The following GNA13 variants were observed in gnomAD, a reference collection of about 807,000 sequenced individuals.
GNA13 encodes the protein guanine nucleotide-binding protein subunit alpha-13.
Under a neutral mutation model 33.5 loss-of-function variants are expected in GNA13, and 4 were observed. The observed-to-expected ratio is 0.12, with a 90% CI of 0.06 to 0.27. The LOEUF (loss-of-function observed/expected upper bound fraction) is 0.27. Ranked by LOEUF, GNA13 falls within the 10% of genes least tolerant of loss-of-function variation. The probability of loss-of-function intolerance (pLI) is 1.00; values close to 1 mark genes in which losing one functional copy is unlikely to be tolerated. For missense variants in GNA13, 319 were observed against 487.2 expected (o/e 0.65, Z 3.25); for synonymous variants, 176 against 183.8 (o/e 0.96, Z 0.34).
Position 65,013,846 on chromosome 17 carries a change from C to T in GNA13, c.*411G>A, listed in dbSNP as rs771065817. 3.0e-5 allele frequency: 7 copies of T among 231,192 alleles called. No individual in the cohort carries two copies. Among genetic ancestry groups the T allele is most frequent in the African/African-American group, 4.5e-5 (2 of 44,824 alleles). The allele number at this position is 231,192 out of a possible 1,614,324, so 14.3% of individuals were successfully genotyped here. On this transcript the variant is annotated 3_prime_UTR_variant, in exon 4 of 4. Transcript: ENST00000439174. ...ACAAGTGTCACTGCTATATGTAAGG[C>T]GGACAGAAGATATCTTGTTTTGGAA...
At chr17:65,052,555 C>G (rs1174543171) in intron 2 of GNA13, among the ~76,000 whole-genome samples, 1 of 152,230 alleles carries the variant, frequency 6.6e-6, no homozygotes, top group Non-Finnish European at 1.5e-5. Context: ...ATTTCTATCA[C>G]TGCTGGAATC....
At chr17:65,052,203 G>C (rs911843931) in intron 2 of GNA13, 1 of 152,106 alleles carries the variant, frequency 6.6e-6, no homozygotes, top group Non-Finnish European at 1.5e-5. Context: ...GCCCAGGCTG[G>C]AGTGCAGTGG....
At chr17:65,049,633 C>G (rs1361659804) in intron 2 of GNA13, among the ~76,000 whole-genome samples, 2 of 152,136 alleles carry the variant, frequency 1.3e-5, no homozygotes, top group Non-Finnish European at 2.9e-5. Context: ...GATCTCCATT[C>G]TAGCCAAGAA....
intron 2 of GNA13, among the ~76,000 whole-genome samples, chr17:65,022,492 A>G (rs1906617619): frequency 6.6e-6 from 1 of 152,200 alleles, no homozygotes; most frequent in African/African-American, 2.4e-5. Context: ...GGATGTAAAT[A>G]ATTTTGCTAT....
rs1054023490 is a variant in GNA13 at position 65,011,801 on chromosome 17, C to T, written c.*2456G>A. ...TAAGTTTGCATAGTGAAATTATGAGCACCTTTTCAATTCTGTTCACTAAAT... is the reference window on the plus strand; with the variant it reads ...TAAGTTTGCATAGTGAAATTATGAGTACCTTTTCAATTCTGTTCACTAAAT... On this transcript the variant is annotated 3_prime_UTR_variant, in exon 4 of 4. Coordinates refer to ENST00000439174, the MANE Select transcript of GNA13 (RefSeq NM_006572.6). 6.6e-5 allele frequency: 15 copies of T among 228,392 alleles called. No individual in the cohort carries two copies. The highest frequency in any genetic ancestry group is 1.0e-4 in the Non-Finnish European group (12 of 115,194). The allele number at this position is 228,392 out of a possible 1,614,324, so 14.1% of individuals were successfully genotyped here.
intron 2 of GNA13, among the ~76,000 whole-genome samples, chr17:65,044,637 T>TA (rs897842429): frequency 1.5e-4 from 21 of 142,186 alleles, no homozygotes; most frequent in African/African-American, 4.7e-4. Flanking sequence ...CCCCATCTCT[T>TA]AAAAAAAAGG....
chr17:65,045,507 C>CAAAAAAAA (rs369520601), intron 2 of GNA13, among the ~76,000 whole-genome samples: 1 of 86,968 alleles, frequency 1.1e-5, no homozygotes, highest in Non-Finnish European at 2.1e-5. Context: ...GACTCTGTCT[C>CAAAAAAAA]AAAAAAAAAA....
chr17:65,047,299 G>C (rs998621269), intron 2 of GNA13, among the ~76,000 whole-genome samples: 8 of 152,098 alleles, frequency 5.3e-5, no homozygotes, highest in Non-Finnish European at 1.0e-4. Flanking sequence ...GAAGCAGGAG[G>C]ATCACTTGAG....
At chr17:65,033,257 G>C (rs369348993) in intron 2 of GNA13, among the ~76,000 whole-genome samples, 1 of 151,990 alleles carries the variant, frequency 6.6e-6, no homozygotes, top group Admixed American at 6.6e-5. Context: ...GGCCAAGGTG[G>C]GAGGATCGTT....
rs187344511 is a variant in GNA13, at chr17:65,019,463, T to A, written c.511-1160A>T. On this transcript the variant is annotated intron_variant, in intron 2 of 3. Coordinates refer to ENST00000439174, the MANE Select transcript of GNA13 (RefSeq NM_006572.6). ...ATGGGTAAAGAAAATGTGATACACA[T>A]ACAGAATGGTGTCCTATTTAGCTAT... Among the ~76,000 whole-genome samples, 51 of 152,294 alleles carry A rather than the reference T, an allele frequency of 3.3e-4. No homozygotes were observed. The East Asian group carries it at 8.1e-3, about 24-fold the overall frequency.
At chr17:65,017,442 C>G (rs986007312) in intron 3 of GNA13, among the ~76,000 whole-genome samples, 2 of 152,154 alleles carry the variant, frequency 1.3e-5, no homozygotes, top group African/African-American at 2.4e-5. Context: ...GCAAATGAAG[C>G]TGTGCTACAT....
chr17:65,012,212 G>C lies in GNA13; in HGVS notation c.*2045C>G, dbSNP rs977187767. 9.1e-6 allele frequency: 2 copies of C among 220,084 alleles called. No individual in the cohort carries two copies. The highest frequency in any genetic ancestry group is 6.7e-5 in the East Asian group (1 of 14,976). 13.6% of individuals were successfully genotyped at this position (220,084 alleles called of 1,614,324 possible). The stretch of plus-strand genomic sequence containing the variant: ...GGTTCGTATCACAGATCTTAACTAT[G>C]ACTTAAGTAAGATGAAGTGTCCTCT... On this transcript the variant is annotated 3_prime_UTR_variant, in exon 4 of 4. Coordinates refer to ENST00000439174, the MANE Select transcript of GNA13 (RefSeq NM_006572.6).
intron 2 of GNA13, among the ~76,000 whole-genome samples, chr17:65,035,636 G>C (rs1411330818): frequency 2.0e-5 from 3 of 152,134 alleles, no homozygotes; most frequent in African/African-American, 7.2e-5. Flanking sequence ...TTCACATAAT[G>C]ATAACAACAG....
intron 2 of GNA13, among the ~76,000 whole-genome samples, chr17:65,018,519 A>C (rs1321142774): frequency 6.6e-6 from 1 of 152,242 alleles, no homozygotes; most frequent in Non-Finnish European, 1.5e-5. Flanking sequence ...CAAATGCTTA[A>C]TAGAATCAAT....
intron 2 of GNA13, among the ~76,000 whole-genome samples, chr17:65,045,997 G>A (rs766304908): frequency 1.7e-4 from 26 of 152,056 alleles, no homozygotes; most frequent in South Asian, 4.1e-4. Flanking sequence ...TTGGGACTGC[G>A]GTGTCTATTC....
intron 2 of GNA13, among the ~76,000 whole-genome samples, chr17:65,037,753 G>A (rs1025728488): frequency 5.7e-5 from 6 of 104,454 alleles, no homozygotes; most frequent in African/African-American, 2.3e-4. Flanking sequence ...GCAACATGGA[G>A]AGAGACCCAG....
rs1366376087 is a variant in GNA13 at position 65,010,969 on chromosome 17, A to AT, written c.*3287dup. Reference sequence around the variant, plus strand: ...CAAATAGTGATTTGAATTTTAGGACATAACAGTGTAACATGGTAACTTTAT... The same window carrying AT: ...CAAATAGTGATTTGAATTTTAGGACATTAACAGTGTAACATGGTAACTTTAT... On this transcript the variant is annotated 3_prime_UTR_variant, in exon 4 of 4. Transcript: ENST00000439174. 3 of 200,252 alleles carry AT rather than the reference A, an allele frequency of 1.5e-5. No homozygotes were observed. The highest frequency in any genetic ancestry group is 6.9e-5 in the African/African-American group (3 of 43,494). 12.4% of individuals were successfully genotyped at this position (200,252 alleles called of 1,614,324 possible). A position where few individuals can be genotyped will look rare whatever the true frequency, so the allele number is the denominator to read the frequency against.
rs771399698 is a variant in GNA13 at position 65,053,576 on chromosome 17, G to A, written c.436C>T (p.Leu146Phe). The A allele has an allele frequency of 6.2e-6, 10 of 1,613,928 alleles. No homozygotes were observed. Among genetic ancestry groups the A allele is most frequent in the East Asian group, 2.2e-5 (1 of 44,888 alleles). ...GCCCATAATGCTCTTATAGCAGGAA[G>A]ATATTGTAAGAAAACCCTTGTTTCC... ...MVETRVFLQY[L>F]PAIRALWADS... is the part of the protein sequence containing the mutation. The change falls in exon 2 of 4, where the codon CTT becomes TTT. Residue 146 changes from leucine (L) to phenylalanine (F), a missense_variant. By Grantham distance (22) the Leu-to-Phe change is conservative (BLOSUM62 0). Around this residue, in one of 4 missense-constraint regions of GNA13, gnomAD observed 136 missense variants for 159.3 expected, o/e 0.85. Transcript: ENST00000439174.
intron 2 of GNA13, among the ~76,000 whole-genome samples, chr17:65,037,684 C>A (rs149862706): frequency 7.1e-6 from 1 of 141,676 alleles, no homozygotes; most frequent in Non-Finnish European, 1.5e-5. Context: ...GCAATCCCAA[C>A]ACATTGGGAG....
Sources: allele counts gnomAD v4.1 joint callset (sites outside exome capture counted in the v4.1 genomes callset), GRCh38; gene constraint gnomAD v4.1.1; regional missense constraint gnomAD v4.1.1; transcripts MANE v1.5; gene names NCBI Gene and HGNC (gene_info 2026-07-23, HGNC 2026-07-21).